Variants in ACTR5 observed in about 807,000 individuals in gnomAD.
ACTR5 encodes actin-related protein 5.
A neutral mutation model predicts 61.2 loss-of-function variants in ACTR5; 43 were observed. That is an observed-to-expected ratio of 0.70 (90% CI 0.55 to 0.91). ACTR5 has a LOEUF of 0.91. ACTR5 is among the 40% of genes least tolerant of loss of function. The pLI, the probability that ACTR5 is intolerant of heterozygous loss-of-function variation, is 0.00. For synonymous variants in ACTR5, 333 were observed against 310.5 expected (o/e 1.07, Z -0.76); for missense variants, 798 against 782.2 (o/e 1.02, Z -0.24).
Position 38,748,624 on chromosome 20 carries a change from C to T in ACTR5, c.146C>T (p.Pro49Leu). ...CAAGTCCGCGCTGGCTGGGCGTGTCCCGGGCAGGACCCAGGTCCCGAGCCG... is the reference window on the plus strand; with the variant it reads ...CAAGTCCGCGCTGGCTGGGCGTGTCTCGGGCAGGACCCAGGTCCCGAGCCG... ...SFQVRAGWAC[P>L]GQDPGPEPRL... is the part of the protein sequence containing the mutation. Residue 49 changes from proline (P) to leucine (L), a missense_variant, in exon 1 of 9, where the codon CCC becomes CTC. Coordinates refer to ENST00000243903, the MANE Select transcript of ACTR5 (RefSeq NM_024855.4). The T allele has an allele frequency of 3.3e-6, 5 of 1,521,658 alleles. No individual in the cohort carries two copies. In the South Asian group the frequency reaches 6.1e-5, roughly 19 times the overall value. The allele number at this position is 1,521,658 out of a possible 1,614,324, so 94.3% of individuals were successfully genotyped here.
At chr20:38,763,457 C>T (rs1393840521) in intron 5 of ACTR5, among the ~76,000 whole-genome samples, 1 of 152,208 alleles carries the variant, frequency 6.6e-6, no homozygotes, top group African/African-American at 2.4e-5. Context: ...CTCAGCTGGT[C>T]TTGCTGCTGC....
At chr20:38,765,244 G>A (rs752488466) in intron 5 of ACTR5, among the ~76,000 whole-genome samples, 158 bp from the exon 6 acceptor site, 10 of 152,208 alleles carry the variant, frequency 6.6e-5, no homozygotes, top group Non-Finnish European at 1.0e-4. Flanking sequence ...TCGTGTTCAT[G>A]TGTGCTTTTT....
chr20:38,770,730 G>A (rs1236942806), intron 8 of ACTR5, among the ~76,000 whole-genome samples: 1 of 152,168 alleles, frequency 6.6e-6, no homozygotes, highest in South Asian at 2.1e-4. Context: ...GGTTATCCTA[G>A]TGACAAGGTC....
chr20:38,755,102 G>T lies in ACTR5; in HGVS notation c.921G>T (p.Glu307Asp). ...AGCAGCAATTGCGGCGGCTGCAGGA[G>T]CTCAATGCCCGGCGGCGGGAGGAGA... Reference protein sequence around the residue: ...RRQQQLRRLQELNARRREEKL... With the variant: ...RRQQQLRRLQDLNARRREEKL... Residue 307 changes from glutamate to aspartate, a missense_variant, in exon 4 of 9, where the codon GAG (glutamate) becomes GAT (aspartate). Transcript: ENST00000243903. 6.2e-7 allele frequency: 1 copy of T among 1,614,174 alleles called. No homozygotes were observed. Among genetic ancestry groups the T allele is most frequent in the Non-Finnish European group, 8.5e-7 (1 of 1,180,004 alleles).
chr20:38,769,700 C>T (rs1374253062), intron 8 of ACTR5, among the ~76,000 whole-genome samples: 2 of 152,088 alleles, frequency 1.3e-5, no homozygotes, highest in Non-Finnish European at 2.9e-5. Flanking sequence ...TAGTTTCACA[C>T]CCTCCCACCT....
rs781291937 is a variant in ACTR5 at position 38,748,703 on chromosome 20, G to T, written c.225G>T (p.Ala75=). The T allele has an allele frequency of 1.3e-6, 2 of 1,527,434 alleles. No individual in the cohort carries two copies. The highest frequency in any genetic ancestry group is 1.8e-6 in the Non-Finnish European group (2 of 1,138,836). The allele number at this position is 1,527,434 out of a possible 1,614,324, so 94.6% of individuals were successfully genotyped here. A position where few individuals can be genotyped will look rare whatever the true frequency, so the allele number is the denominator to read the frequency against. Residue 75 remains alanine, a synonymous_variant, in exon 1 of 9, where the codon GCG becomes GCT. Coordinates refer to ENST00000243903, the MANE Select transcript of ACTR5 (RefSeq NM_024855.4). ...GCGGTCGTGGCGGGGCACGGGGCGC[G>T]TCGGGCCCGCAGGTGGGGAACGCTC... The part of the protein sequence containing the change: ...CARGRGGARG[A]SGPQVGNALG...
intron 5 of ACTR5, among the ~76,000 whole-genome samples, chr20:38,762,191 T>C (rs1293813270): frequency 2.0e-5 from 3 of 152,148 alleles, no homozygotes; most frequent in South Asian, 2.1e-4. Flanking sequence ...CTGTCTGGTA[T>C]CTGGGCTGGG....
chr20:38,748,837 T>G lies in ACTR5; in HGVS notation c.359T>G (p.Leu120Arg), dbSNP rs2084368686. 6.2e-7 allele frequency: 1 copy of G among 1,607,742 alleles called. No individual in the cohort carries two copies. The highest frequency in any genetic ancestry group is 1.7e-5 in the Admixed American group (1 of 59,720). Residue 120 changes from leucine (L) to arginine (R), a missense_variant, in exon 1 of 9, where the codon CTG (leucine) becomes CGG (arginine). Physicochemically the swap from Leu to Arg is moderately radical, Grantham distance 102. Transcript: ENST00000243903. ...CTGCTGGACTACAGCTTCCAGCACC[T>G]GGGTGTCTCCTCACAGGTGAAGGGC... ...ELLLDYSFQH[L>R]GVSSQGCVDH...
chr20:38,770,212 C>T (rs2084512019), intron 8 of ACTR5, among the ~76,000 whole-genome samples: 1 of 151,992 alleles, frequency 6.6e-6, no homozygotes, highest in South Asian at 2.1e-4. Flanking sequence ...ATGTATTCAG[C>T]AGTGGCTCAA....
chr20:38,767,609 C>G lies in ACTR5; in HGVS notation c.1566+13C>G. On this transcript the variant is annotated intron_variant, in intron 8 of 8. Coordinates refer to ENST00000243903, the MANE Select transcript of ACTR5 (RefSeq NM_024855.4). ...GTCTTCTTTTCAGGTACTGATTGTT[C>G]GAGTAGTCAATTATTTTGAAAATAG... is the stretch of plus-strand genomic sequence containing the variant. 1 of 1,592,278 alleles carries G rather than the reference C, an allele frequency of 6.3e-7. No homozygotes were observed. The highest frequency in any genetic ancestry group is 8.6e-7 in the Non-Finnish European group (1 of 1,167,444).
intron 2 of ACTR5, among the ~76,000 whole-genome samples, chr20:38,751,228 T>C (rs1345043251): frequency 6.6e-6 from 1 of 152,124 alleles, no homozygotes; most frequent in East Asian, 1.9e-4. Context: ...TACGTAAAAT[T>C]GGGAAAAACT....
rs1388521755 is a variant in ACTR5, at chr20:38,748,756, T to C, written c.278T>C (p.Met93Thr). The change falls in exon 1 of 9, where the codon ATG (methionine) becomes ACG (threonine). Residue 93 changes from methionine (M) to threonine (T), a missense_variant. Coordinates refer to ENST00000243903, the MANE Select transcript of ACTR5 (RefSeq NM_024855.4). ...GGCAGCCTGGAGCCACTGCGCTGGATGCTGCGCTCGCCCTTCGACCGCAAC... is the reference window on the plus strand; with the variant it reads ...GGCAGCCTGGAGCCACTGCGCTGGACGCTGCGCTCGCCCTTCGACCGCAAC... The part of the protein sequence containing the change: ...ALGSLEPLRW[M>T]LRSPFDRNVP... 1.2e-6 allele frequency: 2 copies of C among 1,600,840 alleles called. No homozygotes were observed. The highest frequency in any genetic ancestry group is 1.7e-6 in the Non-Finnish European group (2 of 1,175,338).
chr20:38,754,318 C>G (rs2084404861), intron 3 of ACTR5, among the ~76,000 whole-genome samples: 1 of 152,078 alleles, frequency 6.6e-6, no homozygotes. Context: ...GGCATTATGT[C>G]CAGGTTTGGT....
intron 1 of ACTR5, among the ~76,000 whole-genome samples, chr20:38,749,359 G>A (rs2084372606): frequency 6.6e-6 from 1 of 152,194 alleles, no homozygotes; most frequent in Non-Finnish European, 1.5e-5. Flanking sequence ...CAAGCCATGT[G>A]AATATCTGAA....
chr20:38,756,856 A>C (rs1249241718), intron 5 of ACTR5, among the ~76,000 whole-genome samples: 1 of 152,244 alleles, frequency 6.6e-6, no homozygotes. Context: ...GTGAGCCGAG[A>C]CCGCTCCGTT....
intron 6 of ACTR5, among the ~76,000 whole-genome samples, chr20:38,765,936 C>T (rs760131815): frequency 1.3e-5 from 2 of 152,232 alleles, no homozygotes; most frequent in South Asian, 2.1e-4. Flanking sequence ...GGATAGGGCA[C>T]TAAGCAAGGC....
chr20:38,759,649 G>T (rs748990281), intron 5 of ACTR5, among the ~76,000 whole-genome samples: 1 of 152,104 alleles, frequency 6.6e-6, no homozygotes, highest in Non-Finnish European at 1.5e-5. Context: ...GAATTTGAGG[G>T]TGTATCCCAG....
chr20:38,762,804 G>A (rs2084462926), intron 5 of ACTR5, among the ~76,000 whole-genome samples: 1 of 152,206 alleles, frequency 6.6e-6, no homozygotes, highest in Non-Finnish European at 1.5e-5. Flanking sequence ...AATGTGGGAT[G>A]TAGAGAGGAA....
intron 2 of ACTR5, among the ~76,000 whole-genome samples, chr20:38,751,276 G>A (rs1381579916): frequency 6.6e-6 from 1 of 152,130 alleles, no homozygotes. Flanking sequence ...AATGAGATAA[G>A]GTAGGTAATG....
Sources: gnomAD v4.1 joint callset for allele counts (sites outside exome capture counted in the v4.1 genomes callset) on GRCh38, gnomAD v4.1.1 for gene constraint, MANE v1.5 for transcripts, NCBI Gene and HGNC (gene_info 2026-07-23, HGNC 2026-07-21) for gene names.